Variants in KTN1 observed in about 807,000 individuals in gnomAD.
KTN1 encodes the protein kinectin 1.
Under a neutral mutation model 222.5 loss-of-function variants are expected in KTN1, and 130 were observed. The observed-to-expected ratio is 0.58, with a 90% CI of 0.51 to 0.68. KTN1 has a LOEUF of 0.68. KTN1 is among the 30% of genes least tolerant of loss of function. The probability of loss-of-function intolerance (pLI) is 0.00; values close to 1 mark genes in which losing one functional copy is unlikely to be tolerated. For synonymous variants in KTN1, 512 were observed against 496.3 expected (o/e 1.03, Z -0.42); for missense variants, 1,508 against 1,500.4 (o/e 1.01, Z -0.08).
intron 29 of KTN1, among the ~76,000 whole-genome samples, chr14:55,657,170 C>A (rs1173841812): frequency 6.6e-6 from 1 of 152,140 alleles, no homozygotes; most frequent in African/African-American, 2.4e-5. Flanking sequence ...GATAGACCTG[C>A]AAAAGTGTTT....
intron 6 of KTN1, 102 bp from the exon 7 acceptor site, chr14:55,629,855 G>T: frequency 7.4e-6 from 6 of 809,834 alleles, no homozygotes; most frequent in South Asian, 1.7e-5. Context: ...TATCATTCAT[G>T]ATTATTTTAC....
At chr14:55,673,434 T>G (rs531097872) in intron 40 of KTN1, 179 bp downstream of exon 40, 31 of 416,570 alleles carry the variant, frequency 7.4e-5, no homozygotes, top group African/African-American at 5.9e-4. Context: ...TCTTGACTCC[T>G]AAAATGATCC....
intron 1 of KTN1, among the ~76,000 whole-genome samples, chr14:55,605,922 A>C (rs147854985): frequency 2.0e-5 from 3 of 152,284 alleles, no homozygotes; most frequent in Non-Finnish European, 4.4e-5. Context: ...ACTTACCATA[A>C]ATCATTTTTC....
At position 55,671,860 on chromosome 14, in the gene KTN1, C is replaced by T. The variant is rs1210451377; in HGVS notation, c.3514C>T (p.His1172Tyr). The change falls in exon 37 of 44, where the codon CAC becomes TAC. Residue 1172 changes from histidine (H) to tyrosine (Y), a missense_variant. Transcript: ENST00000395314. Reference protein sequence around the residue: ...NKWKVKVDESHKTIKQMQSSF... With the variant: ...NKWKVKVDESYKTIKQMQSSF... Reference sequence around the variant, plus strand: ...ATGGAAAGTTAAGGTCGATGAATCACACAAGACTATTAAACAGGTATTTAC... The same window carrying T: ...ATGGAAAGTTAAGGTCGATGAATCATACAAGACTATTAAACAGGTATTTAC... The T allele has an allele frequency of 1.3e-6, 2 of 1,586,668 alleles. No homozygotes were observed. The highest frequency in any genetic ancestry group is 4.5e-5 in the East Asian group (2 of 44,736).
intron 21 of KTN1, among the ~76,000 whole-genome samples, chr14:55,649,403 T>G (rs2042714764): frequency 6.6e-6 from 1 of 152,244 alleles, no homozygotes; most frequent in Non-Finnish European, 1.5e-5. Context: ...AGGGTGCCAT[T>G]GCCTCTTACT....
intron 1 of KTN1, among the ~76,000 whole-genome samples, chr14:55,583,837 T>C (rs2032313401): frequency 6.6e-6 from 1 of 152,258 alleles, no homozygotes; most frequent in African/African-American, 2.4e-5. Flanking sequence ...ACATGTTTGA[T>C]GTTTGATGTT....
At chr14:55,636,667 A>G (rs1488717966) in intron 10 of KTN1, 131 bp downstream of exon 10, 1 of 601,864 alleles carries the variant, frequency 1.7e-6, no homozygotes, top group Non-Finnish European at 2.9e-6. Flanking sequence ...TTATACTTTC[A>G]GAATATCTTT....
Position 55,632,250 on chromosome 14 carries a change from A to G in KTN1, c.1222-985A>G, listed in dbSNP as rs1594966327. Among the ~76,000 whole-genome samples the G allele has an allele frequency of 2.0e-5, 3 of 152,212 alleles. No individual in the cohort carries two copies. The South Asian group carries it at 6.2e-4, about 32-fold the overall frequency. On this transcript the variant is annotated intron_variant, in intron 7 of 43. Coordinates refer to ENST00000395314, the MANE Select transcript of KTN1 (RefSeq NM_001079521.2). ...TACTTGTAGCAGCATCTTTTGTTGA[A>G]GGTGAAAGGTATTTAAGTGATTCAT... is the stretch of plus-strand genomic sequence containing the variant.
In KTN1 at chr14:55,661,508, A is replaced by G. The variant is rs768035068; in HGVS notation, c.3000-14A>G. On this transcript the variant is annotated splice_polypyrimidine_tract_variant and intron_variant, in intron 31 of 43. Coordinates refer to ENST00000395314, the MANE Select transcript of KTN1 (RefSeq NM_001079521.2). ...ACCTAAAATCTTGCTACATGTATTC[A>G]TGTTCTGGTTTAGAATTTCAGAAAG... 2.8e-6 allele frequency: 4 copies of G among 1,421,700 alleles called. No homozygotes were observed. Among genetic ancestry groups the G allele is most frequent in the African/African-American group, 2.8e-5 (2 of 71,270 alleles). The allele number at this position is 1,421,700 out of a possible 1,614,324, so 88.1% of individuals were successfully genotyped here. A position where few individuals can be genotyped will look rare whatever the true frequency, so the allele number is the denominator to read the frequency against.
In KTN1 at chr14:55,590,286, G is replaced by C. The variant is rs987135798; in HGVS notation, c.-31+9932G>C. Among the ~76,000 whole-genome samples the C allele has an allele frequency of 3.9e-5, 6 of 152,132 alleles. No individual in the cohort carries two copies. The East Asian group carries it at 9.6e-4, about 24-fold the overall frequency. The stretch of plus-strand genomic sequence containing the variant: ...ACTATTAAATGATTCAGACATATAA[G>C]AATGTATAATGTATATGTACAGTTT... On this transcript the variant is annotated intron_variant, in intron 1 of 43. Coordinates refer to ENST00000395314, the MANE Select transcript of KTN1 (RefSeq NM_001079521.2).
At chr14:55,644,215 T>A in intron 18 of KTN1, 3 of 482,638 alleles carry the variant, frequency 6.2e-6, no homozygotes, top group Non-Finnish European at 7.5e-6. Context: ...ATTGGTATAA[T>A]CTTAATTTCT....
intron 30 of KTN1, 110 bp from the exon 31 acceptor site, chr14:55,659,556 A>G (rs2043884912): frequency 4.1e-6 from 3 of 737,874 alleles, no homozygotes; most frequent in Non-Finnish European, 4.8e-6. Context: ...TATGAAATAT[A>G]TACTATTTTT....
rs151153601 is a variant in KTN1, at chr14:55,640,122, A to G, written c.1914+119A>G. ...GAAAATAGTCTAGAATTCATTTGAA[A>G]TAACTGTTTTTCTAAACTACAAAAT... On this transcript the variant is annotated intron_variant, in intron 14 of 43. Coordinates refer to ENST00000395314, the MANE Select transcript of KTN1 (RefSeq NM_001079521.2). 1.8e-3 allele frequency: 1,292 copies of G among 726,514 alleles called. 9 individuals carry two copies. The highest frequency in any genetic ancestry group is 7.6e-3 in the African/African-American group (426 of 56,400). The allele number at this position is 726,514 out of a possible 1,614,324, so 45.0% of individuals were successfully genotyped here.
intron 5 of KTN1, among the ~76,000 whole-genome samples, chr14:55,620,165 A>G (rs2038947119): frequency 6.6e-6 from 1 of 152,222 alleles, no homozygotes; most frequent in African/African-American, 2.4e-5. Flanking sequence ...TCCATGTCTC[A>G]CATCCACGTC....
chr14:55,596,748 T>C (rs1238407737), intron 1 of KTN1, among the ~76,000 whole-genome samples: 1 of 152,130 alleles, frequency 6.6e-6, no homozygotes, highest in Non-Finnish European at 1.5e-5. Context: ...GGTCTCTCAC[T>C]AATTTTTTGC....
chr14:55,659,771 A>G, intron 31 of KTN1, 68 bp downstream of exon 31: 1 of 921,200 alleles, frequency 1.1e-6, no homozygotes, highest in Non-Finnish European at 1.8e-6. Context: ...CCATTCTCAA[A>G]TAAGCAATTT....
rs763782884 is a variant in KTN1, at chr14:55,612,031, C to T, written c.-18C>T. ...CTTCCCTATTTAGGTTTTATAGGAT[C>T]ACATTGACAAAAGTACCATGGAGTT... On this transcript the variant is annotated 5_prime_UTR_variant, in exon 2 of 44. Coordinates refer to ENST00000395314, the MANE Select transcript of KTN1 (RefSeq NM_001079521.2). 4.2e-5 allele frequency: 56 copies of T among 1,344,584 alleles called. No individual in the cohort carries two copies. Among genetic ancestry groups the T allele is most frequent in the Non-Finnish European group, 5.4e-5 (55 of 1,027,046 alleles). The allele number at this position is 1,344,584 out of a possible 1,614,324, so 83.3% of individuals were successfully genotyped here.
chr14:55,655,927 GA>G (rs1379535616), intron 28 of KTN1, 114 bp from the exon 29 acceptor site: 36 of 546,618 alleles, frequency 6.6e-5, no homozygotes, highest in Middle Eastern at 4.5e-4. Flanking sequence ...TAATATGGGG[GA>G]AAAAAAGCTG....
intron 43 of KTN1, chr14:55,682,023 C>T (rs1324303425): frequency 3.3e-5 from 5 of 152,046 alleles, no homozygotes; most frequent in African/African-American, 1.2e-4. Flanking sequence ...TATCTAATGT[C>T]AAGAAACCTT....
Sources: gnomAD v4.1 joint callset for allele counts (sites outside exome capture counted in the v4.1 genomes callset) on GRCh38, gnomAD v4.1.1 for gene constraint, MANE v1.5 for transcripts, NCBI Gene and HGNC (gene_info 2026-07-23, HGNC 2026-07-21) for gene names.